The following HIPK3 variants were observed in gnomAD, a reference collection of about 807,000 sequenced individuals.
The protein encoded by HIPK3 is homeodomain interacting protein kinase 3.
HIPK3 carries 47 observed loss-of-function variants against 124.2 expected under a neutral mutation model. The observed-to-expected ratio is 0.38, with a 90% confidence interval of 0.30 to 0.48. The LOEUF (loss-of-function observed/expected upper bound fraction) is 0.48, where lower values mean the gene tolerates loss of function less well. Among genes scored for constraint, HIPK3 ranks in the 20% least tolerant of loss-of-function variants. The pLI is 0.98. For missense variants in HIPK3, 1,286 were observed against 1,454.3 expected (o/e 0.88, Z 1.88); for synonymous variants, 482 against 515.2 (o/e 0.94, Z 0.87).
intron 3 of HIPK3, among the ~76,000 whole-genome samples, chr11:33,329,155 A>G (rs1852898176): frequency 6.6e-6 from 1 of 152,144 alleles, no homozygotes; most frequent in Non-Finnish European, 1.5e-5. Context: ...TACCTTATTA[A>G]GCACACTTTT....
At chr11:33,297,943 C>G (rs1365268593) in intron 2 of HIPK3, among the ~76,000 whole-genome samples, 3 of 151,940 alleles carry the variant, frequency 2.0e-5, no homozygotes, top group Admixed American at 6.6e-5. Context: ...GGGCGCACTA[C>G]CATGCCTAGC....
At chr11:33,297,500 G>A (rs1272917052) in intron 2 of HIPK3, among the ~76,000 whole-genome samples, 2 of 152,190 alleles carry the variant, frequency 1.3e-5, no homozygotes. Flanking sequence ...TTCTATGAAA[G>A]TGCAGAAAGG....
intron 2 of HIPK3, among the ~76,000 whole-genome samples, chr11:33,299,400 T>A (rs1444296617): frequency 6.6e-6 from 1 of 151,458 alleles, no homozygotes; most frequent in Admixed American, 6.6e-5. Flanking sequence ...GGAACCTGGG[T>A]GGCAGAGGTT....
chr11:33,274,981 C>T (rs1590346527), intron 1 of HIPK3, among the ~76,000 whole-genome samples: 1 of 152,182 alleles, frequency 6.6e-6, no homozygotes, highest in Non-Finnish European at 1.5e-5. Flanking sequence ...CCTCAGACAG[C>T]AGGTTTAGTT....
At chr11:33,329,117 T>C (rs574251012) in intron 3 of HIPK3, among the ~76,000 whole-genome samples, 3 of 152,222 alleles carry the variant, frequency 2.0e-5, no homozygotes, top group East Asian at 3.8e-4. Context: ...TAGCACTGTT[T>C]AATGATTCTC....
At chr11:33,299,975 C>G (rs2474948) in intron 2 of HIPK3, among the ~76,000 whole-genome samples, 1 of 145,950 alleles carries the variant, frequency 6.9e-6, no homozygotes, top group Non-Finnish European at 1.5e-5. Flanking sequence ...TGAGCAGAGA[C>G]TGTGCCACTG....
intron 14 of HIPK3, among the ~76,000 whole-genome samples, chr11:33,349,596 G>A (rs534847345): frequency 4.6e-5 from 7 of 152,156 alleles, no homozygotes; most frequent in Non-Finnish European, 8.8e-5. Context: ...CCACAGGTGC[G>A]CACAGCGATG....
At chr11:33,264,366 T>C (rs891071162) in intron 1 of HIPK3, among the ~76,000 whole-genome samples, 4 of 152,196 alleles carry the variant, frequency 2.6e-5, no homozygotes, top group African/African-American at 9.6e-5. Flanking sequence ...TTGTTTATGC[T>C]GGAACACCTT....
Position 33,355,444 on chromosome 11 carries a change from AC to A in HIPK3, c.*1877del, listed in dbSNP as rs913439182. On this transcript the variant is annotated 3_prime_UTR_variant, in exon 17 of 17. Transcript: ENST00000303296. ...AGCTGTATCTTGCAGGCTTGACTTA[AC>A]TTTTTTCCTTAAAAATCTGGAATAT... 4 of 152,038 alleles carry A rather than the reference AC, an allele frequency of 2.6e-5. No individual in the cohort carries two copies. The highest frequency in any genetic ancestry group is 7.2e-5 in the African/African-American group (3 of 41,446). 9.4% of individuals were successfully genotyped at this position (152,038 alleles called of 1,614,324 possible).
At chr11:33,281,227 A>G (rs1194804371) in intron 1 of HIPK3, among the ~76,000 whole-genome samples, 1 of 151,384 alleles carries the variant, frequency 6.6e-6, no homozygotes, top group Non-Finnish European at 1.5e-5. Context: ...GCGCCACCAC[A>G]CCTGGCTAAT....
rs1246087741 is a variant in HIPK3, at chr11:33,354,153, T to C, written c.*585T>C. ...ATTTGAGGTTGTTAATGTTATTACC[T>C]ATATATAAATGTTGAGGACTGCAGC... On this transcript the variant is annotated 3_prime_UTR_variant, in exon 17 of 17. Transcript: ENST00000303296. The C allele has an allele frequency of 6.5e-6, 1 of 153,226 alleles. No homozygotes were observed. Among genetic ancestry groups the C allele is most frequent in the Non-Finnish European group, 1.5e-5 (1 of 68,464 alleles). The allele number at this position is 153,226 out of a possible 1,614,324, so 9.5% of individuals were successfully genotyped here. A position where few individuals can be genotyped will look rare whatever the true frequency, so the allele number is the denominator to read the frequency against.
intron 2 of HIPK3, among the ~76,000 whole-genome samples, chr11:33,297,771 G>A (rs993447562): frequency 3.7e-5 from 5 of 134,356 alleles, no homozygotes; most frequent in South Asian, 2.6e-4. Context: ...GAACTTCAAA[G>A]AACAGGCTTT....
At chr11:33,302,542 GC>G (rs922814329) in intron 2 of HIPK3, among the ~76,000 whole-genome samples, 29 of 151,978 alleles carry the variant, frequency 1.9e-4, no homozygotes, top group African/African-American at 5.8e-4. Context: ...TCACCATGTG[GC>G]CAGGGTGGTC....
intron 2 of HIPK3, among the ~76,000 whole-genome samples, chr11:33,315,249 T>C (rs1442703661): frequency 2.6e-5 from 4 of 152,200 alleles, no homozygotes; most frequent in Admixed American, 6.5e-5. Context: ...AGATTTTTGA[T>C]AGAATCTTGC....
chr11:33,338,959 T>C (rs910432475), intron 5 of HIPK3, 116 bp downstream of exon 5: 7 of 614,740 alleles, frequency 1.1e-5, no homozygotes, highest in Non-Finnish European at 1.6e-5. Context: ...ATGCTGTTTT[T>C]AAGTTTTTCA....
At chr11:33,291,684 A>G (rs1007821301) in intron 2 of HIPK3, among the ~76,000 whole-genome samples, 1 of 152,198 alleles carries the variant, frequency 6.6e-6, no homozygotes, top group African/African-American at 2.4e-5. Context: ...AAGGTGCTGT[A>G]TTTATGAGGT....
At chr11:33,332,415 T>C (rs1463548069) in intron 3 of HIPK3, among the ~76,000 whole-genome samples, 2 of 152,220 alleles carry the variant, frequency 1.3e-5, no homozygotes, top group Admixed American at 6.5e-5. Flanking sequence ...ACAGGACTTA[T>C]ATTTACTAGG....
chr11:33,345,561 AT>A (rs1853468234), intron 8 of HIPK3, among the ~76,000 whole-genome samples: 2 of 152,082 alleles, frequency 1.3e-5, no homozygotes, highest in South Asian at 4.1e-4. Flanking sequence ...AGACAATGAG[AT>A]TTTTGTTCAG....
rs1853554126 is a variant in HIPK3 at position 33,348,146 on chromosome 11, C to T, written c.2307-20C>T. ...AGCTTTGTTACAAACACTAAGCCAG[C>T]TCCCTTCTCAATTTCTCAGAGGTAT... On this transcript the variant is annotated intron_variant, in intron 11 of 16. Coordinates refer to ENST00000303296, the MANE Select transcript of HIPK3 (RefSeq NM_005734.5). 1 of 1,612,510 alleles carries T rather than the reference C, an allele frequency of 6.2e-7. No homozygotes were observed. The highest frequency in any genetic ancestry group is 1.7e-5 in the Admixed American group (1 of 59,918).
Sources: allele counts gnomAD v4.1 joint callset (sites outside exome capture counted in the v4.1 genomes callset), GRCh38; gene constraint gnomAD v4.1.1; transcripts MANE v1.5; gene names NCBI Gene and HGNC (gene_info 2026-07-23, HGNC 2026-07-21).